Variants in CAPNS1 observed in about 807,000 individuals in gnomAD.
CAPNS1 encodes the protein CANP small subunit.
A neutral mutation model predicts 39.2 loss-of-function variants in CAPNS1; 32 were observed. The observed-to-expected ratio is 0.82, with a 90% CI of 0.62 to 1.10. The LOEUF is 1.10. Among genes scored for constraint, CAPNS1 ranks in the 50% least tolerant of loss-of-function variants. The pLI is 0.00. For synonymous variants in CAPNS1, 153 were observed against 136.2 expected (o/e 1.12, Z -0.86); for missense variants, 353 against 373.1 (o/e 0.95, Z 0.44).
Position 36,146,011 on chromosome 19 carries a change from G to C in CAPNS1, c.561G>C (p.Gly187=). ...AACAGTTCGACACTGACCGATCAGG[G>C]ACCATTTGCAGTAGTGAACTCCCAG... ...IYKQFDTDRS[G]TICSSELPGA... The change falls in exon 8 of 11, where the codon GGG becomes GGC. Residue 187 remains glycine, a synonymous_variant. Coordinates refer to ENST00000246533, the MANE Select transcript of CAPNS1 (RefSeq NM_001749.4). The C allele has an allele frequency of 6.2e-7, 1 of 1,614,148 alleles. No homozygotes were observed. The highest frequency in any genetic ancestry group is 8.5e-7 in the Non-Finnish European group (1 of 1,180,044).
At chr19:36,146,432 G>C in intron 9 of CAPNS1, 120 bp downstream of exon 9, 1 of 733,718 alleles carries the variant, frequency 1.4e-6, no homozygotes, top group Admixed American at 1.8e-5. Flanking sequence ...GATTGAATCA[G>C]TTCCAGTTTC....
rs564883200 is a variant in CAPNS1, at chr19:36,141,464, G to A, written c.209+244G>A. On this transcript the variant is annotated intron_variant, in intron 2 of 10. Coordinates refer to ENST00000246533, the MANE Select transcript of CAPNS1 (RefSeq NM_001749.4). ...GGAGTAGTCTGATTGTGTGGGACCA[G>A]GACAATGTGGTCCTGAGGGGACTGA... 433 of 1,286,294 alleles carry A rather than the reference G, an allele frequency of 3.4e-4. 2 individuals are homozygous for A. In the South Asian group the frequency reaches 9.7e-3, roughly 29 times the overall value. The allele number at this position is 1,286,294 out of a possible 1,614,324, so 79.7% of individuals were successfully genotyped here.
At chr19:36,144,729 A>G (rs1220656879) in intron 6 of CAPNS1, among the ~76,000 whole-genome samples, 2 of 152,172 alleles carry the variant, frequency 1.3e-5, no homozygotes, top group African/African-American at 2.4e-5. Context: ...TACATAATAT[A>G]CATGTCATGT....
chr19:36,142,392 C>A, intron 3 of CAPNS1, 59 bp downstream of exon 3: 1 of 872,706 alleles, frequency 1.1e-6, no homozygotes, highest in Non-Finnish European at 1.8e-6. Context: ...GAGGTCCCAT[C>A]CCTGTTCCTG....
At position 36,146,297 on chromosome 19, in the gene CAPNS1, C is replaced by T. The variant is rs1974566101; in HGVS notation, c.706C>T (p.Leu236=). The T allele has an allele frequency of 6.2e-7, 1 of 1,611,900 alleles. No individual in the cohort carries two copies. Among genetic ancestry groups the T allele is most frequent in the East Asian group, 2.2e-5 (1 of 44,870 alleles). Residue 236 remains leucine (L), a synonymous_variant, in exon 9 of 11, where the codon CTG becomes TTG. Transcript: ENST00000246533. The part of the protein sequence containing the change: ...FDNFISCLVR[L]DAMFRAFKSL... ...CAACTTCATCAGCTGCTTGGTCAGG[C>T]TGGACGCCATGTTCCGTGAGTGACA...
At position 36,150,052 on chromosome 19, in the gene CAPNS1, C is replaced by G. The variant is rs1026969061; in HGVS notation, c.*213C>G. The G allele has an allele frequency of 7.0e-6, 3 of 428,914 alleles. No individual in the cohort carries two copies. Among genetic ancestry groups the G allele is most frequent in the African/African-American group, 4.1e-5 (2 of 48,880 alleles). 26.6% of individuals were successfully genotyped at this position (428,914 alleles called of 1,614,324 possible). A position where few individuals can be genotyped will look rare whatever the true frequency, so the allele number is the denominator to read the frequency against. ...TCCCCCTGGCTCTAGGACACTCTAA[C>G]AAGCTCTGTCCACGGGTCTCCCCAT... On this transcript the variant is annotated 3_prime_UTR_variant, in exon 11 of 11. Coordinates refer to ENST00000246533, the MANE Select transcript of CAPNS1 (RefSeq NM_001749.4).
chr19:36,148,117 G>C (rs1357211472), intron 9 of CAPNS1: 1 of 151,952 alleles, frequency 6.6e-6, no homozygotes, highest in Non-Finnish European at 1.5e-5. Flanking sequence ...TTGGCCTCCA[G>C]AGAGCCCACA....
chr19:36,140,696 G>T, intron 1 of CAPNS1: 1 of 341,136 alleles, frequency 2.9e-6, no homozygotes, highest in Non-Finnish European at 5.3e-6. Flanking sequence ...TGTCGGGAAC[G>T]CCTTACGCCA....
chr19:36,148,796 G>C (rs1267372765), intron 9 of CAPNS1, among the ~76,000 whole-genome samples: 3 of 152,160 alleles, frequency 2.0e-5, no homozygotes, highest in East Asian at 1.9e-4. Context: ...CTGGGCAACA[G>C]AGTGGGACTC....
At chr19:36,148,640 G>A (rs1359453815) in intron 9 of CAPNS1, among the ~76,000 whole-genome samples, 5 of 151,736 alleles carry the variant, frequency 3.3e-5, no homozygotes, top group Non-Finnish European at 5.9e-5. Flanking sequence ...GTGAAACCCC[G>A]TCTCTACTAA....
chr19:36,148,713 T>C (rs554943739), intron 9 of CAPNS1, among the ~76,000 whole-genome samples: 1 of 151,894 alleles, frequency 6.6e-6, no homozygotes, highest in African/African-American at 2.4e-5. Flanking sequence ...CTCAGGAGGC[T>C]GAGGCAGGAG....
chr19:36,147,689 C>G (rs1974620930), intron 9 of CAPNS1, among the ~76,000 whole-genome samples: 2 of 152,112 alleles, frequency 1.3e-5, no homozygotes, highest in African/African-American at 4.8e-5. Flanking sequence ...TGGCATGAAC[C>G]CAGGAGGCGG....
Position 36,141,018 on chromosome 19 carries a change from C to T in CAPNS1, c.7C>T (p.Leu3=). MF[L]VNSFLKGGGG... is the part of the protein sequence containing the mutation. ...CCAGCAGTGAGTCGCAGCCATGTTCCTGGTTAACTCGTTCTTGAAGGGCGG... is the reference window on the plus strand; with the variant it reads ...CCAGCAGTGAGTCGCAGCCATGTTCTTGGTTAACTCGTTCTTGAAGGGCGG... Residue 3 remains leucine, a synonymous_variant, in exon 2 of 11, where the codon CTG becomes TTG. Coordinates refer to ENST00000246533, the MANE Select transcript of CAPNS1 (RefSeq NM_001749.4). The T allele has an allele frequency of 6.4e-7, 1 of 1,554,428 alleles. No individual in the cohort carries two copies. The highest frequency in any genetic ancestry group is 8.7e-7 in the Non-Finnish European group (1 of 1,146,860).
At chr19:36,140,851 A>G in intron 1 of CAPNS1, 146 bp from the exon 2 acceptor site, 1 of 1,142,054 alleles carries the variant, frequency 8.8e-7, no homozygotes, top group Non-Finnish European at 1.2e-6. Flanking sequence ...TGCCCCACCC[A>G]TCCGCGGACA....
intron 9 of CAPNS1, among the ~76,000 whole-genome samples, chr19:36,147,062 T>C (rs1974594154): frequency 6.6e-6 from 1 of 152,080 alleles, no homozygotes; most frequent in Non-Finnish European, 1.5e-5. Context: ...CCCAGGCTGG[T>C]CTTGAACTCC....
At position 36,142,323 on chromosome 19, in the gene CAPNS1, C is replaced by A; in HGVS notation, c.233C>A (p.Pro78Gln). The change falls in exon 3 of 11, where the codon CCG (proline) becomes CAG (glutamine). Residue 78 changes from proline to glutamine, a missense_variant. By Grantham distance (76) the Pro-to-Gln change is moderately conservative. Transcript: ENST00000246533. ...AGCGAGGCGGCTGCGCAGTACAACC[C>A]GGAGCCCCCGGTAAGCCCCCTCTGC... ...AISEAAAQYN[P>Q]EPPPPRTHYS... The A allele has an allele frequency of 6.4e-7, 1 of 1,561,674 alleles. No individual in the cohort carries two copies. The highest frequency in any genetic ancestry group is 8.7e-7 in the Non-Finnish European group (1 of 1,146,456).
intron 6 of CAPNS1, chr19:36,144,212 A>G (rs542489435): frequency 2.0e-5 from 3 of 151,788 alleles, no homozygotes; most frequent in Non-Finnish European, 2.9e-5. Context: ...GAAAAATAAC[A>G]ATAACAAAAA....
chr19:36,145,525 G>A lies in CAPNS1; in HGVS notation c.457-281G>A, dbSNP rs535926958. On this transcript the variant is annotated intron_variant, in intron 6 of 10. Coordinates refer to ENST00000246533, the MANE Select transcript of CAPNS1 (RefSeq NM_001749.4). Reference sequence around the variant, plus strand: ...GGCCTATTAAGAATTTTCTGAATGAGCAATTAACAACTCTTCAGGCAAGGA... The same window carrying A: ...GGCCTATTAAGAATTTTCTGAATGAACAATTAACAACTCTTCAGGCAAGGA... 5 of 356,754 alleles carry A rather than the reference G, an allele frequency of 1.4e-5. No homozygotes were observed. In the Admixed American group the frequency reaches 1.7e-4, roughly 12 times the overall value. 22.1% of individuals were successfully genotyped at this position (356,754 alleles called of 1,614,324 possible).
At chr19:36,141,681 G>C (rs1368985107) in intron 2 of CAPNS1, 1 of 839,642 alleles carries the variant, frequency 1.2e-6, no homozygotes, top group Non-Finnish European at 1.4e-6. Context: ...AAGACCTAAT[G>C]GGGTAGGGTA....
Sources: allele counts gnomAD v4.1 joint callset (sites outside exome capture counted in the v4.1 genomes callset), GRCh38; gene constraint gnomAD v4.1.1; transcripts MANE v1.5; gene names NCBI Gene and HGNC (gene_info 2026-07-23, HGNC 2026-07-21).